NELL1: variants seen among roughly 807,000 people sequenced by gnomAD.
The protein encoded by NELL1 is protein kinase C-binding protein NELL1.
In NELL1, 76 loss-of-function variants were observed where a neutral mutation model predicts 107.4. That is an observed-to-expected ratio of 0.71 (90% CI 0.59 to 0.86). NELL1 has a LOEUF of 0.86. Among genes scored for constraint, NELL1 ranks in the 40% least tolerant of loss-of-function variants. NELL1 has a pLI of 0.00. For missense variants in NELL1, 1,024 were observed against 1,005.5 expected, an observed-to-expected ratio of 1.02 and a Z score of -0.25; for synonymous variants, 353 against 341.2, an observed-to-expected ratio of 1.03 and a Z score of -0.38.
At chr11:21,205,515 G>A (rs1291832177) in intron 13 of NELL1, among the ~76,000 whole-genome samples, 3 of 152,280 alleles carry the variant, frequency 2.0e-5, no homozygotes, top group South Asian at 2.1e-4. Context: ...CGCCGTGCTG[G>A]CAGCGAGAAT....
At chr11:21,012,221 C>A (rs1176631757) in intron 12 of NELL1, among the ~76,000 whole-genome samples, 1 of 152,146 alleles carries the variant, frequency 6.6e-6, no homozygotes, top group Admixed American at 6.5e-5. Context: ...TTTACAGCAT[C>A]CTGGCCTTGC....
chr11:20,909,254 G>A (rs2134144823), intron 5 of NELL1, among the ~76,000 whole-genome samples: 1 of 152,250 alleles, frequency 6.6e-6, no homozygotes, highest in South Asian at 2.1e-4. Flanking sequence ...TAGTGGTGAT[G>A]GTTGCATAAC....
At chr11:21,311,814 A>T (rs1277547228) in intron 14 of NELL1, among the ~76,000 whole-genome samples, 1 of 152,158 alleles carries the variant, frequency 6.6e-6, no homozygotes, top group Non-Finnish European at 1.5e-5. Context: ...TTCATTTTAT[A>T]CATGGTACTA....
intron 12 of NELL1, among the ~76,000 whole-genome samples, chr11:21,085,141 T>C (rs1854359944): frequency 6.6e-6 from 1 of 152,208 alleles, no homozygotes; most frequent in Non-Finnish European, 1.5e-5. Context: ...ATCTAAATAT[T>C]TATTGAGTAC....
chr11:21,201,262 A>C (rs931776330), intron 13 of NELL1, among the ~76,000 whole-genome samples: 14 of 152,192 alleles, frequency 9.2e-5, no homozygotes, highest in Non-Finnish European at 1.5e-4. Context: ...CCCATTCATG[A>C]CCATGAAATG....
At chr11:21,066,007 T>C (rs1395480594) in intron 12 of NELL1, among the ~76,000 whole-genome samples, 1 of 152,222 alleles carries the variant, frequency 6.6e-6, no homozygotes. Flanking sequence ...ACAATTTATC[T>C]GATTTGCAGC....
intron 12 of NELL1, among the ~76,000 whole-genome samples, chr11:21,072,286 G>T (rs1854034316): frequency 6.6e-6 from 1 of 152,090 alleles, no homozygotes; most frequent in Non-Finnish European, 1.5e-5. Flanking sequence ...GAATTGCTGA[G>T]TGCTTATAAA....
chr11:21,477,470 A>G (rs1854365984), intron 15 of NELL1, among the ~76,000 whole-genome samples: 4 of 152,162 alleles, frequency 2.6e-5, no homozygotes, highest in African/African-American at 7.2e-5. Flanking sequence ...TGCAAGAGCC[A>G]TAGCATTACT....
chr11:20,696,300 T>C (rs1262691056), intron 2 of NELL1, among the ~76,000 whole-genome samples: 1 of 152,146 alleles, frequency 6.6e-6, no homozygotes, highest in African/African-American at 2.4e-5. Context: ...ATTTTAGTTA[T>C]TTATTTTCTT....
intron 2 of NELL1, among the ~76,000 whole-genome samples, chr11:20,722,468 G>T (rs950021040): frequency 1.3e-5 from 2 of 152,148 alleles, no homozygotes. Context: ...GTCACATTGA[G>T]ATAATACTAG....
chr11:20,976,985 A>G (rs986833548), intron 12 of NELL1, among the ~76,000 whole-genome samples: 3 of 152,010 alleles, frequency 2.0e-5, no homozygotes, highest in African/African-American at 4.8e-5. Context: ...TAAGAAGAGA[A>G]TGGTTCGTCA....
At chr11:21,224,146 T>C (rs532053359) in intron 13 of NELL1, among the ~76,000 whole-genome samples, 56 of 152,330 alleles carry the variant, frequency 3.7e-4, no homozygotes, top group African/African-American at 1.3e-3. Context: ...GGCAAGGACC[T>C]TCTTGGGTTA....
chr11:20,701,300 ATGTCTTCTT>A, intron 2 of NELL1, among the ~76,000 whole-genome samples: 1 of 152,136 alleles, frequency 6.6e-6, no homozygotes, highest in South Asian at 2.1e-4. Flanking sequence ...GGCTGCATAA[ATGTCTTCTT>A]TTGAGAAGTG....
At chr11:21,508,819 G>A (rs1855362827) in intron 15 of NELL1, among the ~76,000 whole-genome samples, 1 of 151,664 alleles carries the variant, frequency 6.6e-6, no homozygotes, top group Non-Finnish European at 1.5e-5. Flanking sequence ...TTAGATATAG[G>A]ACTTCTACCA....
intron 16 of NELL1, among the ~76,000 whole-genome samples, chr11:21,547,320 T>C (rs540559657): frequency 1.3e-5 from 2 of 151,930 alleles, no homozygotes; most frequent in South Asian, 2.1e-4. Flanking sequence ...AGGAATCTAA[T>C]TGCGTTCCAA....
intron 15 of NELL1, among the ~76,000 whole-genome samples, chr11:21,406,297 C>G (rs527442667): frequency 6.6e-6 from 1 of 151,880 alleles, no homozygotes; most frequent in African/African-American, 2.4e-5. Flanking sequence ...AAGTTCTGTA[C>G]GTGTTTTTGA....
At chr11:20,857,850 G>C (rs757521325) in intron 4 of NELL1, among the ~76,000 whole-genome samples, 10 of 152,184 alleles carry the variant, frequency 6.6e-5, no homozygotes, top group Non-Finnish European at 1.2e-4. Context: ...GATAGTTTCA[G>C]TTAGGGCCTA....
At chr11:20,915,712 T>TAC (rs1850233107) in intron 5 of NELL1, among the ~76,000 whole-genome samples, 1 of 70,040 alleles carries the variant, frequency 1.4e-5, no homozygotes, top group Non-Finnish European at 2.8e-5. Flanking sequence ...TATATATATA[T>TAC]ATATATTTTT....
intron 4 of NELL1, among the ~76,000 whole-genome samples, chr11:20,860,106 A>G (rs1211363577): frequency 2.6e-5 from 4 of 152,172 alleles, no homozygotes; most frequent in African/African-American, 4.8e-5. Flanking sequence ...TATTCACTTA[A>G]GCCACAGAAC....
Sources: allele counts gnomAD v4.1 joint callset (sites outside exome capture counted in the v4.1 genomes callset), GRCh38; gene constraint gnomAD v4.1.1; transcripts MANE v1.5; gene names NCBI Gene and HGNC (gene_info 2026-07-23, HGNC 2026-07-21).